Variants in PCDHB9 observed in about 807,000 individuals in gnomAD.
PCDHB9 encodes protocadherin beta 9.
For missense variants in PCDHB9, 1,072 were observed against 995.1 expected, an observed-to-expected ratio of 1.08 and a Z score of -1.04; for synonymous variants, 501 against 439.7, an observed-to-expected ratio of 1.14 and a Z score of -1.75.
Position 141,187,969 on chromosome 5 carries a change from T to C in PCDHB9, c.651T>C (p.Gly217=). ...ELSLTLTALD[G]GSPSRSGTST... ...GCTTAACCCTCACAGCGCTGGATGG[T>C]GGGTCTCCATCCAGGTCTGGGACCT... The change falls in exon 1 of 1, where the codon GGT becomes GGC. Residue 217 remains glycine, a synonymous_variant. Transcript: ENST00000316105. The C allele has an allele frequency of 1.9e-6, 3 of 1,613,994 alleles. No homozygotes were observed. Among genetic ancestry groups the C allele is most frequent in the Non-Finnish European group, 2.5e-6 (3 of 1,179,968 alleles).
Position 141,189,488 on chromosome 5 carries a change from C to A in PCDHB9, c.2170C>A (p.Arg724Ser), listed in dbSNP as rs1554283374. Residue 724 changes from arginine (R) to serine (S), a missense_variant, in exon 1 of 1, where the codon CGC (arginine) becomes AGC (serine). Transcript: ENST00000316105. The stretch of plus-strand genomic sequence containing the variant: ...GAGGAGCAGGGCGGCCTCGGTGGGT[C>A]GCTGCTCGGTGCCCGAGGGTCCTTT... ...CRRSRAASVG[R>S]CSVPEGPFPG... 3 of 1,613,236 alleles carry A rather than the reference C, an allele frequency of 1.9e-6. No individual in the cohort carries two copies. Among genetic ancestry groups the A allele is most frequent in the South Asian group, 2.2e-5 (2 of 91,040 alleles).
rs1042521314 is a variant in PCDHB9 at position 141,191,496 on chromosome 5, C to G, written c.*1784C>G. The G allele has an allele frequency of 2.6e-5, 4 of 151,832 alleles. No individual in the cohort carries two copies. Among genetic ancestry groups the G allele is most frequent in the African/African-American group, 9.7e-5 (4 of 41,296 alleles). 9.4% of individuals were successfully genotyped at this position (151,832 alleles called of 1,614,324 possible). On this transcript the variant is annotated 3_prime_UTR_variant, in exon 1 of 1. Coordinates refer to ENST00000316105, the MANE Select transcript of PCDHB9 (RefSeq NM_019119.5). ...CCTGTAAGTTACTTTAAAGCTAATA[C>G]AAGAAAAACAAAGACAAGTGAAAGT...
Position 141,189,506 on chromosome 5 carries a change from G to A in PCDHB9, c.2188G>A (p.Gly730Ser). 1 of 1,613,940 alleles carries A rather than the reference G, an allele frequency of 6.2e-7. No individual in the cohort carries two copies. Among genetic ancestry groups the A allele is most frequent in the Non-Finnish European group, 8.5e-7 (1 of 1,179,988 alleles). Residue 730 changes from glycine (G) to serine (S), a missense_variant, in exon 1 of 1, where the codon GGT becomes AGT. Transcript: ENST00000316105. Reference sequence around the variant, plus strand: ...GGTGGGTCGCTGCTCGGTGCCCGAGGGTCCTTTTCCAGGGCATCTGGTGGA... The same window carrying A: ...GGTGGGTCGCTGCTCGGTGCCCGAGAGTCCTTTTCCAGGGCATCTGGTGGA... ...ASVGRCSVPE[G>S]PFPGHLVDVS... is the part of the protein sequence containing the mutation.
Position 141,188,926 on chromosome 5 carries a change from C to A in PCDHB9, c.1608C>A (p.Arg536=), listed in dbSNP as rs782360833. ...AFDFRVGASD[R]GSPALSSEAL... is the part of the protein sequence containing the mutation. ...ACTTCCGCGTGGGCGCCTCAGACCG[C>A]GGCTCCCCGGCTTTGAGCAGCGAGG... The change falls in exon 1 of 1, where the codon CGC becomes CGA. Residue 536 remains arginine (R), a synonymous_variant. Transcript: ENST00000316105. 2.5e-6 allele frequency: 4 copies of A among 1,611,954 alleles called. No individual in the cohort carries two copies.
At position 141,187,842 on chromosome 5, in the gene PCDHB9, A is replaced by T; in HGVS notation, c.524A>T (p.Asn175Ile). 1.2e-6 allele frequency: 2 copies of T among 1,614,106 alleles called. No homozygotes were observed. Among genetic ancestry groups the T allele is most frequent in the Non-Finnish European group, 1.7e-6 (2 of 1,180,020 alleles). ...NSIQNYTISS[N>I]SFFHIKISGS... Reference sequence around the variant, plus strand: ...ATCCAAAACTACACGATCAGCTCCAACTCTTTTTTCCATATTAAAATTAGT... The same window carrying T: ...ATCCAAAACTACACGATCAGCTCCATCTCTTTTTTCCATATTAAAATTAGT... The change falls in exon 1 of 1, where the codon AAC (asparagine) becomes ATC (isoleucine). Residue 175 changes from asparagine to isoleucine, a missense_variant. Asn to Ile is a moderately radical substitution (Grantham distance 149, BLOSUM62 -3). Coordinates refer to ENST00000316105, the MANE Select transcript of PCDHB9 (RefSeq NM_019119.5).
Position 141,189,704 on chromosome 5 carries a change from A to T in PCDHB9, c.2386A>T (p.Asn796Tyr). Residue 796 changes from asparagine to tyrosine, a missense_variant, in exon 1 of 1, where the codon AAT becomes TAT. By Grantham distance (143) the Asn-to-Tyr change is moderately radical. Transcript: ENST00000316105. ...TACTCTCCCCAATAGCTTTGGATTT[A>T]ATTATTGAAAGGAACCCACTTAATA... ...NSTLPNSFGF[N>Y]Y is the part of the protein sequence containing the mutation. The T allele has an allele frequency of 6.3e-7, 1 of 1,576,934 alleles. No individual in the cohort carries two copies. Among genetic ancestry groups the T allele is most frequent in the Non-Finnish European group, 8.6e-7 (1 of 1,162,008 alleles).
In PCDHB9 at chr5:141,190,639, T is replaced by C. The variant is rs1371481249; in HGVS notation, c.*927T>C. 2 of 109,950 alleles carry C rather than the reference T, an allele frequency of 1.8e-5. No individual in the cohort carries two copies. The highest frequency in any genetic ancestry group is 5.7e-5 in the African/African-American group (2 of 34,988). 6.8% of individuals were successfully genotyped at this position (109,950 alleles called of 1,614,324 possible). A position where few individuals can be genotyped will look rare whatever the true frequency, so the allele number is the denominator to read the frequency against. Reference sequence around the variant, plus strand: ...CTGCAAGATATTAAGCGTGTGTAAATGGGCTTTAGTCTGGAAACCAAAAAA... The same window carrying C: ...CTGCAAGATATTAAGCGTGTGTAAACGGGCTTTAGTCTGGAAACCAAAAAA... On this transcript the variant is annotated 3_prime_UTR_variant, in exon 1 of 1. Coordinates refer to ENST00000316105, the MANE Select transcript of PCDHB9 (RefSeq NM_019119.5).
chr5:141,188,931 C>G lies in PCDHB9; in HGVS notation c.1613C>G (p.Ser538Cys), dbSNP rs782753862. ...DFRVGASDRGSPALSSEALVR... is the reference protein window; with the variant it reads ...DFRVGASDRGCPALSSEALVR... ...CGCGTGGGCGCCTCAGACCGCGGCT[C>G]CCCGGCTTTGAGCAGCGAGGCGCTG... Residue 538 changes from serine (S) to cysteine (C), a missense_variant, in exon 1 of 1, where the codon TCC (serine) becomes TGC (cysteine). Physicochemically the swap from Ser to Cys is moderately radical, Grantham distance 112 (BLOSUM62 -1). Transcript: ENST00000316105. 3 of 1,612,070 alleles carry G rather than the reference C, an allele frequency of 1.9e-6. No individual in the cohort carries two copies. Among genetic ancestry groups the G allele is most frequent in the South Asian group, 1.1e-5 (1 of 90,990 alleles).
rs1563941503 is a variant in PCDHB9 at position 141,187,307 on chromosome 5, A to G, written c.-12A>G. ...AGTGTGATTGAGACTGACATTGAGG[A>G]AAGAAGCAGCTATGAAGACCAGGGG... On this transcript the variant is annotated 5_prime_UTR_variant, in exon 1 of 1. Coordinates refer to ENST00000316105, the MANE Select transcript of PCDHB9 (RefSeq NM_019119.5). 3.1e-6 allele frequency: 5 copies of G among 1,609,580 alleles called. No individual in the cohort carries two copies. In the East Asian group the frequency reaches 8.9e-5, roughly 29 times the overall value.
chr5:141,189,339 C>T lies in PCDHB9; in HGVS notation c.2021C>T (p.Pro674Leu), dbSNP rs1753835905. ...TTCTCCCAGCCCTACCTGCCTCTCCCGGAGGCGGCCCCGGCCCAGGCCCAG... is the reference window on the plus strand; with the variant it reads ...TTCTCCCAGCCCTACCTGCCTCTCCTGGAGGCGGCCCCGGCCCAGGCCCAG... ...DGFSQPYLPL[P>L]EAAPAQAQAD... Residue 674 changes from proline to leucine, a missense_variant, in exon 1 of 1, where the codon CCG becomes CTG. Coordinates refer to ENST00000316105, the MANE Select transcript of PCDHB9 (RefSeq NM_019119.5). 1.2e-6 allele frequency: 2 copies of T among 1,611,200 alleles called. No homozygotes were observed. The highest frequency in any genetic ancestry group is 2.2e-5 in the East Asian group (1 of 44,884).
rs782390094 is a variant in PCDHB9, at chr5:141,188,648, G to A, written c.1330G>A (p.Val444Ile). 10 of 1,614,108 alleles carry A rather than the reference G, an allele frequency of 6.2e-6. No individual in the cohort carries two copies. Among genetic ancestry groups the A allele is most frequent in the Non-Finnish European group, 8.5e-6 (10 of 1,180,018 alleles). The change falls in exon 1 of 1, where the codon GTC becomes ATC. Residue 444 changes from valine (V) to isoleucine (I), a missense_variant. Transcript: ENST00000316105. ...EHSITLQVSD[V>I]NDNAPAFTQT... is the part of the protein sequence containing the mutation. ...CAGCATAACCCTGCAGGTCTCCGAC[G>A]TCAATGACAACGCCCCCGCCTTCAC...
At position 141,189,512 on chromosome 5, in the gene PCDHB9, T is replaced by A. The variant is rs782702601; in HGVS notation, c.2194T>A (p.Phe732Ile). The change falls in exon 1 of 1, where the codon TTT becomes ATT. Residue 732 changes from phenylalanine to isoleucine, a missense_variant. Phe to Ile is a conservative substitution (Grantham distance 21). Coordinates refer to ENST00000316105, the MANE Select transcript of PCDHB9 (RefSeq NM_019119.5). ...TCGCTGCTCGGTGCCCGAGGGTCCT[T>A]TTCCAGGGCATCTGGTGGACGTGAG... Reference protein sequence around the residue: ...VGRCSVPEGPFPGHLVDVSGT... With the variant: ...VGRCSVPEGPIPGHLVDVSGT... 1.2e-6 allele frequency: 2 copies of A among 1,614,000 alleles called. No homozygotes were observed. The highest frequency in any genetic ancestry group is 1.7e-6 in the Non-Finnish European group (2 of 1,180,008).
chr5:141,188,443 C>T lies in PCDHB9; in HGVS notation c.1125C>T (p.Ser375=), dbSNP rs1205998005. ...TTTTTAAGATTAAAGACAGAGACTCCGGAGAAAATGGAAAGACAATTTGCT... is the reference window on the plus strand; with the variant it reads ...TTTTTAAGATTAAAGACAGAGACTCTGGAGAAAATGGAAAGACAATTTGCT... ...LAVFKIKDRD[S]GENGKTICYV... Residue 375 remains serine (S), a synonymous_variant, in exon 1 of 1, where the codon TCC becomes TCT. Transcript: ENST00000316105. The T allele has an allele frequency of 2.5e-6, 4 of 1,614,054 alleles. No individual in the cohort carries two copies. Among genetic ancestry groups the T allele is most frequent in the Non-Finnish European group, 3.4e-6 (4 of 1,179,988 alleles).
Position 141,190,899 on chromosome 5 carries a change from G to C in PCDHB9, c.*1187G>C, listed in dbSNP as rs7735365. The stretch of plus-strand genomic sequence containing the variant: ...GGTAGTGTCTAGCCTTTTCCTCCAC[G>C]ACATTCCTTGACTTAATCCATTTGG... On this transcript the variant is annotated 3_prime_UTR_variant, in exon 1 of 1. Coordinates refer to ENST00000316105, the MANE Select transcript of PCDHB9 (RefSeq NM_019119.5). The C allele has an allele frequency of 0.44, 66,951 of 151,766 alleles. 15,017 individuals are homozygous for C. The highest frequency in any genetic ancestry group is 0.55 in the East Asian group (2,837 of 5,166). 9.4% of individuals were successfully genotyped at this position (151,766 alleles called of 1,614,324 possible).
chr5:141,188,060 G>C lies in PCDHB9; in HGVS notation c.742G>C (p.Glu248Gln), dbSNP rs1753784048. ...NVPQFAQALYETQAPENSPVG... is the reference protein window; with the variant it reads ...NVPQFAQALYQTQAPENSPVG... ...CCCACAGTTTGCCCAGGCTCTGTAT[G>C]AGACCCAGGCTCCAGAAAACAGTCC... Residue 248 changes from glutamate (E) to glutamine (Q), a missense_variant, in exon 1 of 1, where the codon GAG becomes CAG. By Grantham distance (29) the Glu-to-Gln change is conservative. Coordinates refer to ENST00000316105, the MANE Select transcript of PCDHB9 (RefSeq NM_019119.5). 5.6e-6 allele frequency: 9 copies of C among 1,613,940 alleles called. No individual in the cohort carries two copies. Among genetic ancestry groups the C allele is most frequent in the Non-Finnish European group, 7.6e-6 (9 of 1,179,936 alleles).
rs201337762 is a variant in PCDHB9 at position 141,189,762 on chromosome 5, G to T, written c.*50G>T. The T allele has an allele frequency of 7.8e-5, 115 of 1,481,024 alleles. No individual in the cohort carries two copies. In the East Asian group the frequency reaches 2.6e-3, roughly 33 times the overall value. The allele number at this position is 1,481,024 out of a possible 1,614,324, so 91.7% of individuals were successfully genotyped here. On this transcript the variant is annotated 3_prime_UTR_variant, in exon 1 of 1. Transcript: ENST00000316105. ...TTACTTCTTTAATATATTCTTGTTG[G>T]CTAACTAAATTGTGTATGCCCACCA...
rs781958249 is a variant in PCDHB9, at chr5:141,188,886, C to G, written c.1568C>G (p.Ala523Gly). 4 of 1,612,608 alleles carry G rather than the reference C, an allele frequency of 2.5e-6. No homozygotes were observed. Among genetic ancestry groups the G allele is most frequent in the Non-Finnish European group, 1.7e-6 (2 of 1,179,912 alleles). The change falls in exon 1 of 1, where the codon GCC becomes GGC. Residue 523 changes from alanine to glycine, a missense_variant. Transcript: ENST00000316105. ...LFALRSLDYE[A>G]LQAFDFRVGA... is the part of the protein sequence containing the mutation. ...GCCCTCAGGTCGCTGGACTACGAGG[C>G]CCTGCAGGCTTTCGACTTCCGCGTG... is the stretch of plus-strand genomic sequence containing the variant.
At position 141,188,216 on chromosome 5, in the gene PCDHB9, G is replaced by A. The variant is rs1554282957; in HGVS notation, c.898G>A (p.Glu300Lys). Residue 300 changes from glutamate (E) to lysine (K), a missense_variant, in exon 1 of 1, where the codon GAA (glutamate) becomes AAA (lysine). Glu to Lys is a moderately conservative substitution (Grantham distance 56). Transcript: ENST00000316105. ...GTTTCAAATCAATCCTTTTTCTGGG[G>A]AAATCTTTCTCAGAGAATTGCTTGA... ...TTFQINPFSG[E>K]IFLRELLDYE... 1 of 1,612,282 alleles carries A rather than the reference G, an allele frequency of 6.2e-7. No individual in the cohort carries two copies. The highest frequency in any genetic ancestry group is 1.7e-5 in the Admixed American group (1 of 59,672).
rs1269790235 is a variant in PCDHB9 at position 141,190,941 on chromosome 5, A to C, written c.*1229A>C. ...TCCATTTGGGCCTATTATAGACAAAATAGAGCTTCTTTCTAGATATAAGGT... is the reference window on the plus strand; with the variant it reads ...TCCATTTGGGCCTATTATAGACAAACTAGAGCTTCTTTCTAGATATAAGGT... On this transcript the variant is annotated 3_prime_UTR_variant, in exon 1 of 1. Transcript: ENST00000316105. 1.3e-5 allele frequency: 2 copies of C among 152,146 alleles called. No homozygotes were observed. The highest frequency in any genetic ancestry group is 2.9e-5 in the Non-Finnish European group (2 of 68,044). 9.4% of individuals were successfully genotyped at this position (152,146 alleles called of 1,614,324 possible). A position where few individuals can be genotyped will look rare whatever the true frequency, so the allele number is the denominator to read the frequency against.
Sources: gnomAD v4.1 joint callset for allele counts on GRCh38, gnomAD v4.1.1 for gene constraint, MANE v1.5 for transcripts, NCBI Gene and HGNC (gene_info 2026-07-23, HGNC 2026-07-21) for gene names.